ERICH3: variants seen among roughly 807,000 people sequenced by gnomAD.
The protein encoded by ERICH3 is glutamate-rich protein 3.
ERICH3 carries 126 observed loss-of-function variants against 131.1 expected under a neutral mutation model. The ratio of observed to expected loss-of-function variants is 0.96; its 90% CI spans 0.83 to 1.11. The LOEUF is 1.11. Among genes scored for constraint, ERICH3 ranks in the 50% most tolerant of loss-of-function variants. The pLI is 0.00. For missense variants in ERICH3, 2,050 were observed against 1,810.7 expected, an observed-to-expected ratio of 1.13 and a Z score of -2.40; for synonymous variants, 695 against 644.6, an observed-to-expected ratio of 1.08 and a Z score of -1.18.
intron 1 of ERICH3, 100 bp from the exon 2 acceptor site, chr1:74,649,415 C>T: frequency 1.3e-6 from 1 of 778,754 alleles, no homozygotes; most frequent in Non-Finnish European, 2.1e-6. Context: ...ATCATTCACT[C>T]ATGCAGCCTG....
chr1:74,653,376 T>G (rs1646554907), intron 1 of ERICH3, among the ~76,000 whole-genome samples: 1 of 151,444 alleles, frequency 6.6e-6, no homozygotes, highest in African/African-American at 2.4e-5. Context: ...TGTGCACGTG[T>G]GTGTGTGTCT....
At chr1:74,591,490 G>T (rs1334837049) in intron 11 of ERICH3, among the ~76,000 whole-genome samples, 1 of 152,146 alleles carries the variant, frequency 6.6e-6, no homozygotes, top group Non-Finnish European at 1.5e-5. Context: ...TGAGTCTGAG[G>T]GTGAAGCACC....
intron 12 of ERICH3, among the ~76,000 whole-genome samples, chr1:74,579,067 T>A (rs1445266533): frequency 6.6e-6 from 1 of 152,214 alleles, no homozygotes; most frequent in Non-Finnish European, 1.5e-5. Flanking sequence ...AAGACAATGA[T>A]GTAATAGTTG....
chr1:74,658,232 TC>T (rs1646604120), intron 1 of ERICH3, among the ~76,000 whole-genome samples: 1 of 152,152 alleles, frequency 6.6e-6, no homozygotes, highest in South Asian at 2.1e-4. Context: ...CTCTTCCTTT[TC>T]CCCTCCACTT....
In ERICH3 at chr1:74,606,106, A is replaced by C. The variant is rs564293930; in HGVS notation, c.1489+495T>G. On this transcript the variant is annotated intron_variant, in intron 10 of 14. Transcript: ENST00000326665. Reference sequence around the variant, plus strand: ...GGAGAGAGGAAGGAGAGAACAGAGAAAAAAGAAGAAAGCAAAAGAAAAAAA... The same window carrying C: ...GGAGAGAGGAAGGAGAGAACAGAGACAAAAGAAGAAAGCAAAAGAAAAAAA... Among the ~76,000 whole-genome samples the C allele has an allele frequency of 2.6e-5, 4 of 151,684 alleles. No individual in the cohort carries two copies. The South Asian group carries it at 8.3e-4, about 32-fold the overall frequency.
chr1:74,665,476 T>C (rs1646682714), intron 1 of ERICH3, among the ~76,000 whole-genome samples: 1 of 152,198 alleles, frequency 6.6e-6, no homozygotes, highest in Non-Finnish European at 1.5e-5. Context: ...AGCCAAGTAA[T>C]GAAGAGCATC....
intron 12 of ERICH3, chr1:74,579,436 G>A: frequency 1.0e-6 from 1 of 985,410 alleles, no homozygotes; most frequent in Non-Finnish European, 1.2e-6. Context: ...TAGTCCCTCT[G>A]TCTCAGGGAT....
At chr1:74,600,234 G>C (rs960225322) in intron 10 of ERICH3, among the ~76,000 whole-genome samples, 3 of 151,682 alleles carry the variant, frequency 2.0e-5, no homozygotes, top group African/African-American at 4.8e-5. Context: ...AGAAGAACTT[G>C]ATATAAAACA....
At position 74,613,757 on chromosome 1, in the gene ERICH3, C is replaced by T. The variant is rs115125090; in HGVS notation, c.1001-948G>A. Among the ~76,000 whole-genome samples, 1,170 of 152,274 alleles carry T rather than the reference C, an allele frequency of 7.7e-3. 18 individuals are homozygous for T. The highest frequency in any genetic ancestry group is 0.026 in the African/African-American group (1,081 of 41,546). ...AATGTTATTTGCAAAGCCTGCCACCCTATCCCCACAGACGTCCTAAACCCT... is the reference window on the plus strand; with the variant it reads ...AATGTTATTTGCAAAGCCTGCCACCTTATCCCCACAGACGTCCTAAACCCT... On this transcript the variant is annotated intron_variant, in intron 8 of 14. Coordinates refer to ENST00000326665, the MANE Select transcript of ERICH3 (RefSeq NM_001002912.5).
chr1:74,599,620 T>C, intron 11 of ERICH3, 75 bp downstream of exon 11: 2 of 1,235,082 alleles, frequency 1.6e-6, no homozygotes, highest in Non-Finnish European at 1.1e-6. Context: ...ATTATCTCAT[T>C]AAATAGAAAA....
chr1:74,673,642 C>G lies in ERICH3; in HGVS notation c.-123G>C. 9.0e-7 allele frequency: 1 copy of G among 1,116,880 alleles called. No homozygotes were observed. Among genetic ancestry groups the G allele is most frequent in the Non-Finnish European group, 1.2e-6 (1 of 810,578 alleles). 69.2% of individuals were successfully genotyped at this position (1,116,880 alleles called of 1,614,324 possible). The stretch of plus-strand genomic sequence containing the variant: ...GCTCCGCACCGAGGTCCCCTGTGCG[C>G]GGGCACCTGGGCTGGGCCGCCGCCG... On this transcript the variant is annotated 5_prime_UTR_variant, in exon 1 of 15. Transcript: ENST00000326665.
At chr1:74,649,816 C>T (rs922707940) in intron 1 of ERICH3, among the ~76,000 whole-genome samples, 1 of 152,148 alleles carries the variant, frequency 6.6e-6, no homozygotes, top group Admixed American at 6.6e-5. Context: ...ACCTGCCAGC[C>T]AGCAGATAAT....
At chr1:74,624,595 A>G (rs1375444434) in intron 7 of ERICH3, 3 of 151,976 alleles carry the variant, frequency 2.0e-5, no homozygotes, top group Admixed American at 6.6e-5. Flanking sequence ...AAACACCTCA[A>G]TCCTTACAGA....
At chr1:74,575,092 A>G (rs1647027637) in intron 13 of ERICH3, among the ~76,000 whole-genome samples, 1 of 151,952 alleles carries the variant, frequency 6.6e-6, no homozygotes, top group African/African-American at 2.4e-5. Flanking sequence ...ATCATCACCA[A>G]CAACCTACCA....
At chr1:74,644,744 C>T (rs888619066) in intron 3 of ERICH3, among the ~76,000 whole-genome samples, 2 of 152,032 alleles carry the variant, frequency 1.3e-5, no homozygotes, top group African/African-American at 4.8e-5. Context: ...CCTAATTGAC[C>T]TCCCACCTCC....
At position 74,606,892 on chromosome 1, in the gene ERICH3, C is replaced by T. The variant is rs1648425503; in HGVS notation, c.1198G>A (p.Ala400Thr). 1 of 1,609,524 alleles carries T rather than the reference C, an allele frequency of 6.2e-7. No individual in the cohort carries two copies. ...GACGGTTTTTTGTCAAGGCCCATTG[C>T]AATAATGCACCTATGAAAAATATTA... Reference protein sequence around the residue: ...RSSPCYKCIIAMGLDKKPSLP... With the variant: ...RSSPCYKCIITMGLDKKPSLP... Residue 400 changes from alanine (A) to threonine (T), a missense_variant, in exon 10 of 15, where the codon GCA becomes ACA. By Grantham distance (58) the Ala-to-Thr change is moderately conservative (BLOSUM62 0). Coordinates refer to ENST00000326665, the MANE Select transcript of ERICH3 (RefSeq NM_001002912.5).
chr1:74,665,507 G>T (rs142945185), intron 1 of ERICH3, among the ~76,000 whole-genome samples: 2 of 152,168 alleles, frequency 1.3e-5, no homozygotes, highest in Non-Finnish European at 2.9e-5. Flanking sequence ...AACAGGTTGC[G>T]TTAGTTTGGT....
chr1:74,673,865 C>A, upstream of ERICH3: 1 of 264,508 alleles, frequency 3.8e-6, no homozygotes, highest in Non-Finnish European at 7.0e-6. Flanking sequence ...AGGGAGGAGA[C>A]CCAAGCAAGC....
rs910486201 is a variant in ERICH3 at position 74,570,357 on chromosome 1, A to T, written c.*101T>A. On this transcript the variant is annotated 3_prime_UTR_variant, in exon 15 of 15. Coordinates refer to ENST00000326665, the MANE Select transcript of ERICH3 (RefSeq NM_001002912.5). ...CGCAACCAGCAACTAAAGAGGAGAGAGAGAAAATCAAGAATCCTGGTGAGA... is the reference window on the plus strand; with the variant it reads ...CGCAACCAGCAACTAAAGAGGAGAGTGAGAAAATCAAGAATCCTGGTGAGA... The T allele has an allele frequency of 5.9e-5, 9 of 152,358 alleles. No individual in the cohort carries two copies. In the South Asian group the frequency reaches 1.4e-3, roughly 25 times the overall value. The allele number at this position is 152,358 out of a possible 1,614,324, so 9.4% of individuals were successfully genotyped here.
Sources: gnomAD v4.1 joint callset for allele counts (sites outside exome capture counted in the v4.1 genomes callset) on GRCh38, gnomAD v4.1.1 for gene constraint, MANE v1.5 for transcripts, NCBI Gene and HGNC (gene_info 2026-07-23, HGNC 2026-07-21) for gene names.